The following SEMA6D variants were observed in gnomAD, a reference collection of about 807,000 sequenced individuals.
SEMA6D encodes the protein semaphorin 6D, also known as semaphorin-6D.
Under a neutral mutation model 106.6 loss-of-function variants are expected in SEMA6D, and 35 were observed. The ratio of observed to expected loss-of-function variants is 0.33; its 90% CI spans 0.25 to 0.44. The LOEUF is 0.44. Ranked by LOEUF, SEMA6D falls within the 20% of genes least tolerant of loss-of-function variation. The pLI, the probability that SEMA6D is intolerant of heterozygous loss-of-function variation, is 1.00. For synonymous variants in SEMA6D, 499 were observed against 487.7 expected, an observed-to-expected ratio of 1.02 and a Z score of -0.31; for missense variants, 1,185 against 1,345.9, an observed-to-expected ratio of 0.88 and a Z score of 1.87.
intron 1 of SEMA6D, among the ~76,000 whole-genome samples, chr15:47,370,732 C>T (rs1474914179): frequency 6.7e-6 from 1 of 148,454 alleles, no homozygotes; most frequent in Non-Finnish European, 1.5e-5. Context: ...TGGCAGCACG[C>T]GCCAGTAGTC....
intron 1 of SEMA6D, among the ~76,000 whole-genome samples, chr15:47,279,575 T>C (rs943361937): frequency 1.3e-5 from 2 of 148,568 alleles, no homozygotes; most frequent in African/African-American, 5.0e-5. Flanking sequence ...TGAATAGGAG[T>C]GGTGAGAGAG....
intron 4 of SEMA6D, among the ~76,000 whole-genome samples, chr15:47,631,555 A>G (rs12164928): frequency 0.028 from 4,246 of 152,040 alleles, 105 homozygotes; most frequent in African/African-American, 0.062. Context: ...GAGGTGGACC[A>G]TAAATGCAAA....
chr15:47,339,035 C>T (rs943737226), intron 1 of SEMA6D: 9 of 152,076 alleles, frequency 5.9e-5, no homozygotes, highest in African/African-American at 2.2e-4. Flanking sequence ...TTCAATCATG[C>T]CTATGTAATG....
At chr15:47,316,865 T>C (rs948298829) in intron 1 of SEMA6D, among the ~76,000 whole-genome samples, 1 of 152,178 alleles carries the variant, frequency 6.6e-6, no homozygotes, top group African/African-American at 2.4e-5. Flanking sequence ...GAGATATTAG[T>C]CTGTATTTTT....
intron 8 of SEMA6D, 52 bp downstream of exon 8, chr15:47,762,371 G>C (rs779380771): frequency 1.9e-6 from 3 of 1,600,292 alleles, no homozygotes; most frequent in South Asian, 2.2e-5. Flanking sequence ...GATGGCCCAA[G>C]TGGGGACAGC....
intron 3 of SEMA6D, among the ~76,000 whole-genome samples, chr15:47,559,895 A>G (rs1330939229): frequency 2.0e-5 from 3 of 152,134 alleles, no homozygotes; most frequent in African/African-American, 7.2e-5. Context: ...AGGTGTTTGA[A>G]CACAACTTTT....
intron 4 of SEMA6D, among the ~76,000 whole-genome samples, chr15:47,668,629 A>G (rs988063177): frequency 2.6e-5 from 4 of 152,172 alleles, no homozygotes. Context: ...GGAAAGGAAG[A>G]GTCTCTTCCA....
chr15:47,746,980 G>GTATATATATATATATA (rs752559574), intron 1 of SEMA6D, among the ~76,000 whole-genome samples: 15 of 116,738 alleles, frequency 1.3e-4, no homozygotes, highest in South Asian at 3.0e-4. Flanking sequence ...CTGTGTGTGT[G>GTATATATATATATATA]TGTGTATATA....
chr15:47,252,827 G>A (rs1259998284), intron 1 of SEMA6D, among the ~76,000 whole-genome samples: 3 of 152,012 alleles, frequency 2.0e-5, no homozygotes, highest in African/African-American at 7.3e-5. Context: ...TCATCTCTTG[G>A]TGTTGTGAAA....
At chr15:47,524,649 A>G (rs1381450655) in intron 3 of SEMA6D, among the ~76,000 whole-genome samples, 1 of 152,212 alleles carries the variant, frequency 6.6e-6, no homozygotes, top group East Asian at 1.9e-4. Flanking sequence ...AGAGGGAGAC[A>G]GAACTACAGT....
At chr15:47,336,488 T>G (rs909155509) in intron 1 of SEMA6D, among the ~76,000 whole-genome samples, 1 of 152,190 alleles carries the variant, frequency 6.6e-6, no homozygotes, top group Non-Finnish European at 1.5e-5. Context: ...ACTGGGACTT[T>G]GGACTGGAGA....
intron 2 of SEMA6D, among the ~76,000 whole-genome samples, chr15:47,458,420 A>G (rs1314450767): frequency 6.6e-6 from 1 of 152,026 alleles, no homozygotes; most frequent in East Asian, 1.9e-4. Context: ...TTATTTTCAA[A>G]GGCCCATGGA....
intron 1 of SEMA6D, among the ~76,000 whole-genome samples, chr15:47,326,915 G>A (rs1217972773): frequency 6.6e-6 from 1 of 152,112 alleles, no homozygotes; most frequent in Non-Finnish European, 1.5e-5. Flanking sequence ...CTCAGATTCT[G>A]GACCTATACT....
intron 3 of SEMA6D, among the ~76,000 whole-genome samples, chr15:47,563,502 C>A (rs1566893024): frequency 6.6e-6 from 1 of 152,168 alleles, no homozygotes; most frequent in African/African-American, 2.4e-5. Context: ...CATCTCCAAT[C>A]CTATGCTTTC....
chr15:47,738,967 C>A (rs2080623515), intron 1 of SEMA6D, among the ~76,000 whole-genome samples: 1 of 152,146 alleles, frequency 6.6e-6, no homozygotes, highest in South Asian at 2.1e-4. Flanking sequence ...TCCCTATGGG[C>A]CACTTCATGA....
chr15:47,573,715 A>G, intron 3 of SEMA6D, among the ~76,000 whole-genome samples: 1 of 152,112 alleles, frequency 6.6e-6, no homozygotes, highest in East Asian at 1.9e-4. Flanking sequence ...AATCAGCTGG[A>G]CTCCTTATAC....
intron 1 of SEMA6D, among the ~76,000 whole-genome samples, chr15:47,719,874 G>T (rs1480255296): frequency 2.6e-5 from 4 of 152,284 alleles, no homozygotes; most frequent in African/African-American, 7.2e-5. Context: ...TGAGTGACAG[G>T]CATATTCTTT....
At chr15:47,238,586 G>A (rs1218392007) in intron 1 of SEMA6D, among the ~76,000 whole-genome samples, 1 of 152,102 alleles carries the variant, frequency 6.6e-6, no homozygotes, top group East Asian at 1.9e-4. Flanking sequence ...TCCCAAGAGT[G>A]CCTAGCACAG....
intron 1 of SEMA6D, among the ~76,000 whole-genome samples, chr15:47,275,929 C>T (rs990415376): frequency 4.4e-4 from 67 of 152,070 alleles, no homozygotes; most frequent in African/African-American, 1.5e-3. Flanking sequence ...AAGTTCTACT[C>T]CATTGAACAC....
Sources: allele counts gnomAD v4.1 joint callset (sites outside exome capture counted in the v4.1 genomes callset), GRCh38; gene constraint gnomAD v4.1.1; transcripts MANE v1.5; gene names NCBI Gene and HGNC (gene_info 2026-07-23, HGNC 2026-07-21).